Variants in SRBD1 observed in about 807,000 individuals in gnomAD.
SRBD1 encodes S1 RNA-binding domain-containing protein 1.
Under a neutral mutation model 115.3 loss-of-function variants are expected in SRBD1, and 88 were observed. That is an observed-to-expected ratio of 0.76 (90% CI 0.64 to 0.91). The LOEUF is 0.91. SRBD1 is among the 40% of genes least tolerant of loss of function. The probability of loss-of-function intolerance (pLI) is 0.00; values close to 1 mark genes in which losing one functional copy is unlikely to be tolerated. For missense variants in SRBD1, 1,385 were observed against 1,177.4 expected, an observed-to-expected ratio of 1.18 and a Z score of -2.58; for synonymous variants, 509 against 407.7, an observed-to-expected ratio of 1.25 and a Z score of -2.99.
chr2:45,416,464 T>C (rs891659263), intron 18 of SRBD1, among the ~76,000 whole-genome samples: 1 of 152,148 alleles, frequency 6.6e-6, no homozygotes. Context: ...AGACACTGAT[T>C]AGACTAAATT....
chr2:45,448,290 A>G (rs1668888335), intron 16 of SRBD1, among the ~76,000 whole-genome samples: 1 of 152,200 alleles, frequency 6.6e-6, no homozygotes, highest in African/African-American at 2.4e-5. Flanking sequence ...GCACCTAGCC[A>G]TACAGAATTA....
At chr2:45,538,477 T>G (rs546734948) in intron 14 of SRBD1, among the ~76,000 whole-genome samples, 1 of 152,346 alleles carries the variant, frequency 6.6e-6, no homozygotes, top group Non-Finnish European at 1.5e-5. Context: ...AAGTAGCATC[T>G]TCCAGAGTGA....
chr2:45,482,106 T>G (rs992937562), intron 15 of SRBD1, among the ~76,000 whole-genome samples: 1 of 152,138 alleles, frequency 6.6e-6, no homozygotes, highest in Non-Finnish European at 1.5e-5. Context: ...GTAAATTTTA[T>G]GTTATGTAAA....
At chr2:45,561,907 T>G (rs865776554) in intron 10 of SRBD1, among the ~76,000 whole-genome samples, 1 of 152,316 alleles carries the variant, frequency 6.6e-6, no homozygotes, top group African/African-American at 2.4e-5. Flanking sequence ...GAATGCTTAT[T>G]TATATTGTAA....
intron 14 of SRBD1, among the ~76,000 whole-genome samples, chr2:45,492,745 AT>A (rs111283453): frequency 2.9e-4 from 43 of 148,430 alleles, no homozygotes; most frequent in South Asian, 8.5e-4. Flanking sequence ...AGCCAAAACT[AT>A]TTTTTTTTTT....
intron 14 of SRBD1, among the ~76,000 whole-genome samples, chr2:45,520,023 G>A (rs561439472): frequency 3.9e-5 from 6 of 152,152 alleles, no homozygotes; most frequent in Non-Finnish European, 7.3e-5. Context: ...CCCTGTACAA[G>A]TTCTTTATCC....
intron 6 of SRBD1, among the ~76,000 whole-genome samples, chr2:45,580,386 C>T (rs1673314654): frequency 6.6e-6 from 1 of 152,004 alleles, no homozygotes; most frequent in African/African-American, 2.4e-5. Context: ...CGCTCTTTCG[C>T]CCAGGCCTGA....
At chr2:45,578,841 A>G (rs1385913069) in intron 7 of SRBD1, among the ~76,000 whole-genome samples, 1 of 152,232 alleles carries the variant, frequency 6.6e-6, no homozygotes, top group East Asian at 1.9e-4. Context: ...GACAGATTTT[A>G]GGTGCTCTTA....
intron 16 of SRBD1, among the ~76,000 whole-genome samples, chr2:45,445,266 T>C (rs924184796): frequency 1.3e-5 from 2 of 152,122 alleles, no homozygotes; most frequent in African/African-American, 4.8e-5. Context: ...CCATAAACAT[T>C]AACATTATTG....
At chr2:45,468,371 A>C (rs1669553000) in intron 16 of SRBD1, among the ~76,000 whole-genome samples, 1 of 151,540 alleles carries the variant, frequency 6.6e-6, no homozygotes, top group Non-Finnish European at 1.5e-5. Context: ...CACTACTATA[A>C]ATATTGCTTC....
chr2:45,541,270 T>C (rs547687848), intron 14 of SRBD1, among the ~76,000 whole-genome samples: 9 of 152,256 alleles, frequency 5.9e-5, no homozygotes, highest in African/African-American at 2.2e-4. Flanking sequence ...TCCTGGAAGG[T>C]GGGAGATGCC....
intron 14 of SRBD1, among the ~76,000 whole-genome samples, chr2:45,523,855 CA>C (rs1671361487): frequency 6.6e-6 from 1 of 151,590 alleles, no homozygotes; most frequent in Non-Finnish European, 1.5e-5. Flanking sequence ...ATATCAAAAT[CA>C]AAAAAAGACA....
intron 14 of SRBD1, among the ~76,000 whole-genome samples, chr2:45,545,254 T>G (rs1232330451): frequency 8.0e-6 from 1 of 124,246 alleles, no homozygotes. Flanking sequence ...CACTCCAGCC[T>G]GGGTGACAGA....
intron 10 of SRBD1, 97 bp from the exon 11 acceptor site, chr2:45,553,827 G>A: frequency 3.2e-6 from 2 of 619,258 alleles, no homozygotes; most frequent in South Asian, 3.4e-5. Flanking sequence ...CAGAAGCGGG[G>A]AAAACCTTTA....
intron 16 of SRBD1, among the ~76,000 whole-genome samples, chr2:45,433,640 G>A (rs1253259150): frequency 6.6e-6 from 1 of 152,134 alleles, no homozygotes; most frequent in East Asian, 1.9e-4. Flanking sequence ...GCTTAAGAAA[G>A]CTCCTCCTCC....
intron 9 of SRBD1, 44 bp from the exon 10 acceptor site, chr2:45,562,800 A>G: frequency 7.4e-7 from 1 of 1,351,036 alleles, no homozygotes; most frequent in Non-Finnish European, 1.0e-6. Flanking sequence ...CACAAAATAT[A>G]TGAAACAAAT....
intron 14 of SRBD1, among the ~76,000 whole-genome samples, chr2:45,512,453 C>A (rs1284081977): frequency 6.6e-6 from 1 of 152,168 alleles, no homozygotes; most frequent in Non-Finnish European, 1.5e-5. Flanking sequence ...TATCAACATA[C>A]TAAATTGTAC....
intron 16 of SRBD1, among the ~76,000 whole-genome samples, chr2:45,436,184 A>G (rs910018416): frequency 6.6e-6 from 1 of 152,240 alleles, no homozygotes; most frequent in African/African-American, 2.4e-5. Context: ...CTGCAGAAAA[A>G]GCACTTGACA....
intron 14 of SRBD1, among the ~76,000 whole-genome samples, chr2:45,507,039 T>C (rs1670820321): frequency 6.6e-6 from 1 of 152,186 alleles, no homozygotes; most frequent in Non-Finnish European, 1.5e-5. Flanking sequence ...AAAAACCAAT[T>C]TGTGCTCATG....
Sources: allele counts gnomAD v4.1 joint callset (sites outside exome capture counted in the v4.1 genomes callset), GRCh38; gene constraint gnomAD v4.1.1; transcripts MANE v1.5; gene names NCBI Gene and HGNC (gene_info 2026-07-23, HGNC 2026-07-21).